The following UFM1 variants were observed in gnomAD, a reference collection of about 807,000 sequenced individuals.
UFM1 encodes the protein ubiquitin-fold modifier 1.
In UFM1, 9 loss-of-function variants were observed where a neutral mutation model predicts 15.4. The ratio of observed to expected loss-of-function variants is 0.59; its 90% CI spans 0.35 to 1.02. The LOEUF (loss-of-function observed/expected upper bound fraction) is 1.02. Ranked by LOEUF, UFM1 falls within the 50% of genes least tolerant of loss-of-function variation. The pLI is 0.02. For synonymous variants in UFM1, 27 were observed against 36.3 expected, an observed-to-expected ratio of 0.74 and a Z score of 0.92; for missense variants, 98 against 104.7, an observed-to-expected ratio of 0.94 and a Z score of 0.28.
In UFM1 at chr13:38,361,662, T is replaced by C. The variant is rs908999706; in HGVS notation, c.*884T>C. 1 of 152,050 alleles carries C rather than the reference T, an allele frequency of 6.6e-6. No individual in the cohort carries two copies. The highest frequency in any genetic ancestry group is 1.5e-5 in the Non-Finnish European group (1 of 68,010). The allele number at this position is 152,050 out of a possible 1,614,324, so 9.4% of individuals were successfully genotyped here. On this transcript the variant is annotated 3_prime_UTR_variant, in exon 6 of 6. Transcript: ENST00000239878. ...CGGAAGTGCTGATGAGTTATATTTA[T>C]TGAAAACCCAACTTTTAAGGAAGTG... is the stretch of plus-strand genomic sequence containing the variant.
Position 38,349,888 on chromosome 13 carries a change from G to T in UFM1, c.-32G>T. 3 of 1,614,136 alleles carry T rather than the reference G, an allele frequency of 1.9e-6. No individual in the cohort carries two copies. Among genetic ancestry groups the T allele is most frequent in the Non-Finnish European group, 2.5e-6 (3 of 1,180,026 alleles). ...GAAGTCGTGCTACCCCCGCGGAGTT[G>T]TCGTGTGTTCTGGATTCATTCCGGC... On this transcript the variant is annotated 5_prime_UTR_variant, in exon 1 of 6. Coordinates refer to ENST00000239878, the MANE Select transcript of UFM1 (RefSeq NM_016617.4).
chr13:38,362,443 G>A lies in UFM1; in HGVS notation c.*1665G>A. On this transcript the variant is annotated 3_prime_UTR_variant, in exon 6 of 6. Transcript: ENST00000239878. ...GTGAAAAAATCTGATGTTTGAGGAA[G>A]TTTTTATTTTTATTTATTTGTTTTG... 6.8e-6 allele frequency: 1 copy of A among 146,114 alleles called. No individual in the cohort carries two copies. The highest frequency in any genetic ancestry group is 7.2e-5 in the Admixed American group (1 of 13,820). The allele number at this position is 146,114 out of a possible 1,614,324, so 9.1% of individuals were successfully genotyped here.
intron 3 of UFM1, among the ~76,000 whole-genome samples, chr13:38,357,513 G>GTT (rs34489703): frequency 0.84 from 124,498 of 149,082 alleles, 53,935 homozygotes; most frequent in East Asian, 0.98. Context: ...ATAATACAGG[G>GTT]TTTTTTTTTT....
intron 4 of UFM1, among the ~76,000 whole-genome samples, chr13:38,358,556 T>TA (rs1443165685): frequency 4.6e-5 from 7 of 152,098 alleles, no homozygotes; most frequent in Admixed American, 6.6e-5. Flanking sequence ...TTTAGGTATA[T>TA]AATTAAAAAT....
intron 2 of UFM1, among the ~76,000 whole-genome samples, chr13:38,351,777 A>C (rs945794495): frequency 2.0e-5 from 3 of 152,202 alleles, no homozygotes; most frequent in Admixed American, 1.3e-4. Context: ...AGTTCAGTTA[A>C]TATGTGGTGA....
chr13:38,354,894 G>T (rs1361732640), intron 3 of UFM1: 1 of 151,938 alleles, frequency 6.6e-6, no homozygotes, highest in Non-Finnish European at 1.5e-5. Context: ...TGACTTCGGA[G>T]ACTTAGGGTT....
rs1350761144 is a variant in UFM1 at position 38,361,454 on chromosome 13, A to C, written c.*676A>C. On this transcript the variant is annotated 3_prime_UTR_variant, in exon 6 of 6. Coordinates refer to ENST00000239878, the MANE Select transcript of UFM1 (RefSeq NM_016617.4). ...CCAGTACTTTTAATGGTGGGAATTT[A>C]CAGTAGAAGCATCCTTTGCTGAGTT... The C allele has an allele frequency of 2.0e-5, 3 of 152,196 alleles. No individual in the cohort carries two copies. Among genetic ancestry groups the C allele is most frequent in the African/African-American group, 2.4e-5 (1 of 41,456 alleles). The allele number at this position is 152,196 out of a possible 1,614,324, so 9.4% of individuals were successfully genotyped here.
At chr13:38,360,511 A>C (rs1250114802) in intron 5 of UFM1, among the ~76,000 whole-genome samples, 200 bp from the exon 6 acceptor site, 2 of 152,078 alleles carry the variant, frequency 1.3e-5, no homozygotes, top group East Asian at 3.8e-4. Flanking sequence ...TGTTATTTTA[A>C]ATTTTAAGCG....
intron 2 of UFM1, among the ~76,000 whole-genome samples, chr13:38,352,816 G>T (rs1056450352): frequency 2.6e-5 from 4 of 152,150 alleles, no homozygotes; most frequent in African/African-American, 9.7e-5. Context: ...TAGGTATATT[G>T]TAAGGACATT....
At chr13:38,352,714 ATTTTTGATTTG>A (rs893818505) in intron 2 of UFM1, among the ~76,000 whole-genome samples, 1 of 152,104 alleles carries the variant, frequency 6.6e-6, no homozygotes, top group African/African-American at 2.4e-5. Context: ...AGATGTTTTC[ATTTTTGATTTG>A]TTTTTATTGG....
At position 38,358,189 on chromosome 13, in the gene UFM1, G is replaced by A. The variant is rs1879208057; in HGVS notation, c.157+57G>A. The A allele has an allele frequency of 5.4e-6, 6 of 1,115,406 alleles. No individual in the cohort carries two copies. In the South Asian group the frequency reaches 7.6e-5, roughly 14 times the overall value. 69.1% of individuals were successfully genotyped at this position (1,115,406 alleles called of 1,614,324 possible). A position where few individuals can be genotyped will look rare whatever the true frequency, so the allele number is the denominator to read the frequency against. On this transcript the variant is annotated intron_variant, in intron 4 of 5. Coordinates refer to ENST00000239878, the MANE Select transcript of UFM1 (RefSeq NM_016617.4). Reference sequence around the variant, plus strand: ...TCAAATTTATAGAAATGGTGTAAAAGGAACCAAATTAATTAAAATTAAATA... The same window carrying A: ...TCAAATTTATAGAAATGGTGTAAAAAGAACCAAATTAATTAAAATTAAATA...
At chr13:38,360,285 A>G (rs557626953) in intron 5 of UFM1, among the ~76,000 whole-genome samples, 8 of 152,128 alleles carry the variant, frequency 5.3e-5, no homozygotes, top group African/African-American at 1.9e-4. Context: ...TTGTTTTATT[A>G]TCTTTAAAAA....
rs1466846358 is a variant in UFM1 at position 38,360,714 on chromosome 13, A to T, written c.194A>T (p.Asn65Ile). The T allele has an allele frequency of 3.7e-6, 6 of 1,602,970 alleles. No individual in the cohort carries two copies. Among genetic ancestry groups the T allele is most frequent in the Middle Eastern group, 4.5e-4 (2 of 4,436 alleles). Residue 65 changes from asparagine (N) to isoleucine (I), a missense_variant, in exon 6 of 6, where the codon AAT becomes ATT. Transcript: ENST00000239878. Reference sequence around the variant, plus strand: ...TATGTTTTGTTTGTTTGTATAGGAAATGTTTTTCTAAAACATGGTTCAGAA... The same window carrying T: ...TATGTTTTGTTTGTTTGTATAGGAATTGTTTTTCTAAAACATGGTTCAGAA... ...IGINPAQTAG[N>I]VFLKHGSELR...
intron 2 of UFM1, 152 bp downstream of exon 2, chr13:38,350,207 C>T (rs2140048080): frequency 1.9e-6 from 3 of 1,612,440 alleles, no homozygotes; most frequent in East Asian, 2.2e-5. Flanking sequence ...GAGCCTTTCC[C>T]ACCGGAGCCT....
At chr13:38,355,195 CT>C (rs1376912635) in intron 3 of UFM1, among the ~76,000 whole-genome samples, 2 of 152,038 alleles carry the variant, frequency 1.3e-5, no homozygotes, top group African/African-American at 4.8e-5. Context: ...CTGCCCTGTA[CT>C]TCACTGATTT....
chr13:38,351,702 C>T (rs184618014), intron 2 of UFM1, among the ~76,000 whole-genome samples: 1 of 152,104 alleles, frequency 6.6e-6, no homozygotes, highest in Non-Finnish European at 1.5e-5. Context: ...CGAAAGAGAG[C>T]GTGAGAAGGA....
intron 2 of UFM1, among the ~76,000 whole-genome samples, chr13:38,352,102 C>CTTTTT (rs35879418): frequency 6.6e-5 from 7 of 105,344 alleles, no homozygotes; most frequent in African/African-American, 1.6e-4. Context: ...TTCTTTCTTT[C>CTTTTT]TTTTTTTTTT....
intron 2 of UFM1, among the ~76,000 whole-genome samples, chr13:38,352,474 T>C (rs1878904923): frequency 6.6e-6 from 1 of 152,156 alleles, no homozygotes; most frequent in South Asian, 2.1e-4. Context: ...ATAATAATTC[T>C]TACCAATTTA....
Position 38,360,755 on chromosome 13 carries a change from A to G in UFM1, c.235A>G (p.Arg79Gly). Residue 79 changes from arginine (R) to glycine (G), a missense_variant, in exon 6 of 6, where the codon AGA (arginine) becomes GGA (glycine). Arg to Gly is a moderately radical substitution (Grantham distance 125, BLOSUM62 -2). Coordinates refer to ENST00000239878, the MANE Select transcript of UFM1 (RefSeq NM_016617.4). ...KHGSELRIIPRDRVGSC is the reference protein window; with the variant it reads ...KHGSELRIIPGDRVGSC ...TGGTTCAGAACTGCGGATTATTCCT[A>G]GAGATCGTGTTGGAAGTTGTTAATA... The G allele has an allele frequency of 6.2e-7, 1 of 1,607,872 alleles. No individual in the cohort carries two copies. The highest frequency in any genetic ancestry group is 8.5e-7 in the Non-Finnish European group (1 of 1,177,126).
Sources: allele counts gnomAD v4.1 joint callset (sites outside exome capture counted in the v4.1 genomes callset), GRCh38; gene constraint gnomAD v4.1.1; transcripts MANE v1.5; gene names NCBI Gene and HGNC (gene_info 2026-07-23, HGNC 2026-07-21).